Variants in FCRL4 observed in about 807,000 individuals in gnomAD.
The protein encoded by FCRL4 is Fc receptor like 4.
Under a neutral mutation model 64.1 loss-of-function variants are expected in FCRL4, and 43 were observed. That is an observed-to-expected ratio of 0.67 (90% CI 0.53 to 0.87). FCRL4 has a LOEUF of 0.87. FCRL4 is among the 40% of genes least tolerant of loss of function. FCRL4 has a pLI of 0.00. For missense variants in FCRL4, 656 were observed against 613.5 expected (o/e 1.07, Z -0.73); for synonymous variants, 253 against 239.8 (o/e 1.05, Z -0.51).
At chr1:157,596,205 A>G (rs1652960766) in intron 2 of FCRL4, 123 bp downstream of exon 2, 1 of 1,088,534 alleles carries the variant, frequency 9.2e-7, no homozygotes, top group African/African-American at 1.6e-5. Context: ...TGATGTCTCT[A>G]CATCCCTGCA....
rs1558155168 is a variant in FCRL4 at position 157,585,395 on chromosome 1, C to CTTTCTTTCTTTCT, written c.1135+772_1135+773insAGAAAGAAAGAAA. On this transcript the variant is annotated intron_variant, in intron 6 of 11. Transcript: ENST00000271532. ...CTTTCTTTCTTTCTTTCTTTCTTTC[C>CTTTCTTTCTTTCT]TTCTTTCTTTCTTTCTTTCTTTCTT... 1.5e-3 allele frequency among the ~76,000 whole-genome samples: 121 copies of CTTTCTTTCTTTCT among 80,902 alleles called. 4 individuals carry two copies. The highest frequency in any genetic ancestry group is 6.5e-3 in the Admixed American group (47 of 7,224). The allele number at this position is 80,902 out of a possible 152,430, so 53.1% of individuals were successfully genotyped here.
chr1:157,581,052 TCAGAAAAGCCCCTGAAAAGCCAGACC>T (rs1458902188), intron 7 of FCRL4, among the ~76,000 whole-genome samples: 23 of 152,148 alleles, frequency 1.5e-4, no homozygotes, highest in African/African-American at 4.3e-4. Context: ...TCAAGCCTGC[TCAGAAAAGCCCCTGAAAAGCCAGACC>T]CAGAAAAGCC....
At chr1:157,578,116 C>CAT (rs756330734) in intron 10 of FCRL4, among the ~76,000 whole-genome samples, 39 of 152,100 alleles carry the variant, frequency 2.6e-4, no homozygotes, top group Admixed American at 5.2e-4. Flanking sequence ...TGTATGTATA[C>CAT]ATATATATAT....
chr1:157,585,569 T>C (rs1364186017), intron 6 of FCRL4, among the ~76,000 whole-genome samples: 1 of 152,014 alleles, frequency 6.6e-6, no homozygotes, highest in Non-Finnish European at 1.5e-5. Flanking sequence ...AAGAGATGTA[T>C]ATGAGCTAAA....
In FCRL4 at chr1:157,574,208, C is replaced by T. The variant is rs2101671615; in HGVS notation, c.*1316G>A. 2 of 221,316 alleles carry T rather than the reference C, an allele frequency of 9.0e-6. No individual in the cohort carries two copies. Among genetic ancestry groups the T allele is most frequent in the East Asian group, 1.3e-4 (2 of 15,148 alleles). 13.7% of individuals were successfully genotyped at this position (221,316 alleles called of 1,614,324 possible). On this transcript the variant is annotated 3_prime_UTR_variant, in exon 12 of 12. Coordinates refer to ENST00000271532, the MANE Select transcript of FCRL4 (RefSeq NM_031282.3). ...CTTCCTCCCTCTCTTCTTTTTATTT[C>T]ATTTTTTTCCCATTTATTTGTTATA...
chr1:157,592,163 T>C (rs1652853086), intron 2 of FCRL4, among the ~76,000 whole-genome samples: 1 of 152,072 alleles, frequency 6.6e-6, no homozygotes, highest in South Asian at 2.1e-4. Flanking sequence ...ACCTAGGCAA[T>C]ACCATTCAGG....
chr1:157,583,245 T>C (rs1214465839), intron 6 of FCRL4, among the ~76,000 whole-genome samples: 1 of 152,158 alleles, frequency 6.6e-6, no homozygotes, highest in Non-Finnish European at 1.5e-5. Flanking sequence ...GAAATACTAG[T>C]TCATATTTTG....
rs1207742390 is a variant in FCRL4, at chr1:157,581,574, C to T, written c.1206G>A (p.Leu402=). ...ATGGLLSALL[L]AVALLFHCWR... is the part of the protein sequence containing the mutation. ...AGCAGTGAAACAGCAGGGCCACAGC[C>T]AGGAGAAGAGCACTGAGCAGCCCTC... The change falls in exon 7 of 12, where the codon CTG becomes CTA. Residue 402 remains leucine (L), a synonymous_variant. Transcript: ENST00000271532. 1.2e-6 allele frequency: 2 copies of T among 1,614,092 alleles called. No individual in the cohort carries two copies. The highest frequency in any genetic ancestry group is 1.1e-5 in the South Asian group (1 of 91,078).
chr1:157,587,644 A>C (rs915882946), intron 4 of FCRL4, 84 bp from the exon 5 acceptor site: 1 of 1,440,966 alleles, frequency 6.9e-7, no homozygotes, highest in Non-Finnish European at 9.4e-7. Context: ...CAGTCCCAGG[A>C]AACTTCAGAC....
chr1:157,588,440 C>T (rs189631602), intron 3 of FCRL4, among the ~76,000 whole-genome samples: 116 of 152,236 alleles, frequency 7.6e-4, no homozygotes, highest in South Asian at 5.2e-3. Flanking sequence ...ACCTGCTCAC[C>T]GAGTCTCAGA....
intron 6 of FCRL4, among the ~76,000 whole-genome samples, chr1:157,585,406 C>CTTTCTTTG (rs1281359950): frequency 2.2e-4 from 25 of 115,640 alleles, no homozygotes; most frequent in African/African-American, 8.3e-4. Context: ...TTCTTTCTTT[C>CTTTCTTTG]TTTCTTTCTT....
chr1:157,578,521 A>G lies in FCRL4; in HGVS notation c.1382T>C (p.Leu461Ser). The change falls in exon 10 of 12, where the codon TTG becomes TCG. Residue 461 changes from leucine (L) to serine (S), a missense_variant. Coordinates refer to ENST00000271532, the MANE Select transcript of FCRL4 (RefSeq NM_031282.3). ...YVDVHPKKGDLVYSEIQTTQL... is the reference protein window; with the variant it reads ...YVDVHPKKGDSVYSEIQTTQL... Reference sequence around the variant, plus strand: ...AGTAGTCTGGATCTCAGAGTATACCAAATCTCCCTTTTTGGGGTGTACTGG... The same window carrying G: ...AGTAGTCTGGATCTCAGAGTATACCGAATCTCCCTTTTTGGGGTGTACTGG... 1 of 1,613,988 alleles carries G rather than the reference A, an allele frequency of 6.2e-7. No homozygotes were observed. The highest frequency in any genetic ancestry group is 8.5e-7 in the Non-Finnish European group (1 of 1,179,848).
At position 157,575,575 on chromosome 1, in the gene FCRL4, TTG is replaced by T; in HGVS notation, c.1495_1496del (p.Gln499ThrfsTer4). On this transcript the variant is annotated frameshift_variant, in exon 12 of 12. Coordinates refer to ENST00000271532, the MANE Select transcript of FCRL4 (RefSeq NM_031282.3). LOFTEE classifies it low-confidence loss of function (END_TRUNC). The stretch of plus-strand genomic sequence containing the variant: ...TCTTTCCAGCTGAGTTATCTGGGTG[TTG>T]TGTCTTTACCTCAGAGTAGACAACT... ...VSVVYSEVKT[Q>X]HPDNSAGKIS... is the part of the protein sequence containing the mutation. The T allele has an allele frequency of 6.2e-7, 1 of 1,613,976 alleles. No homozygotes were observed. The highest frequency in any genetic ancestry group is 2.2e-5 in the East Asian group (1 of 44,882).
At chr1:157,587,600 A>T (rs370069775) in intron 4 of FCRL4, 40 bp from the exon 5 acceptor site, 62 of 1,590,500 alleles carry the variant, frequency 3.9e-5, no homozygotes, top group Non-Finnish European at 4.9e-5. Flanking sequence ...GCACGAGAGT[A>T]TTTAGGACTC....
chr1:157,583,981 G>C (rs914080271), intron 6 of FCRL4, among the ~76,000 whole-genome samples: 1 of 152,196 alleles, frequency 6.6e-6, no homozygotes, highest in Non-Finnish European at 1.5e-5. Context: ...GGGCTGTCAT[G>C]AGAATAAAAT....
At chr1:157,592,558 A>T (rs1011951916) in intron 2 of FCRL4, among the ~76,000 whole-genome samples, 3 of 152,244 alleles carry the variant, frequency 2.0e-5, no homozygotes, top group African/African-American at 7.2e-5. Context: ...GCCAGTTAGA[A>T]TGGCGATCAT....
chr1:157,576,075 G>T (rs774422123), intron 10 of FCRL4, among the ~76,000 whole-genome samples: 2 of 152,032 alleles, frequency 1.3e-5, no homozygotes, highest in African/African-American at 4.8e-5. Context: ...CACCACCCCC[G>T]ATTGTTTGGC....
At chr1:157,582,224 G>T (rs1416419930) in intron 6 of FCRL4, among the ~76,000 whole-genome samples, 1 of 152,170 alleles carries the variant, frequency 6.6e-6, no homozygotes, top group Non-Finnish European at 1.5e-5. Flanking sequence ...TTTCCATGGG[G>T]TCCGTTCTCC....
chr1:157,593,338 C>T (rs1234201415), intron 2 of FCRL4, among the ~76,000 whole-genome samples: 1 of 152,176 alleles, frequency 6.6e-6, no homozygotes, highest in East Asian at 1.9e-4. Context: ...CTCCGTCTCT[C>T]TCAGTTCCTG....
Sources: gnomAD v4.1 joint callset for allele counts (sites outside exome capture counted in the v4.1 genomes callset) on GRCh38, gnomAD v4.1.1 for gene constraint, MANE v1.5 for transcripts, NCBI Gene and HGNC (gene_info 2026-07-23, HGNC 2026-07-21) for gene names.